EYS: variants seen among roughly 807,000 people sequenced by gnomAD.
The protein encoded by EYS is protein eyes shut homolog.
Under a neutral mutation model 282.1 loss-of-function variants are expected in EYS, and 250 were observed. The ratio of observed to expected loss-of-function variants is 0.89; its 90% CI spans 0.80 to 0.98. The LOEUF (loss-of-function observed/expected upper bound fraction) is 0.98, where lower values mean the gene tolerates loss of function less well. Among genes scored for constraint, EYS ranks in the 50% least tolerant of loss-of-function variants. EYS has a pLI of 0.00. For synonymous variants in EYS, 1,355 were observed against 1,282.9 expected (o/e 1.06, Z -1.20); for missense variants, 4,016 against 3,709.0 (o/e 1.08, Z -2.15).
chr6:64,835,757 C>T (rs918201669), intron 19 of EYS, among the ~76,000 whole-genome samples: 11 of 151,574 alleles, frequency 7.3e-5, no homozygotes, highest in Non-Finnish European at 1.0e-4. Flanking sequence ...TTTGAATCAA[C>T]TGTGTACATA....
chr6:63,832,897 C>T (rs920775001), intron 36 of EYS, among the ~76,000 whole-genome samples: 1 of 152,168 alleles, frequency 6.6e-6, no homozygotes, highest in African/African-American at 2.4e-5. Context: ...CTCTGGGATG[C>T]AAGGCTGGTT....
At chr6:65,316,788 G>A (rs148093851) in intron 11 of EYS, among the ~76,000 whole-genome samples, 2,465 of 152,152 alleles carry the variant, frequency 0.016, 62 homozygotes, top group African/African-American at 0.056. Context: ...CTTCATCCAC[G>A]TCCCTGCAAA....
chr6:64,238,613 G>A (rs1331740773), intron 30 of EYS, among the ~76,000 whole-genome samples: 1 of 151,998 alleles, frequency 6.6e-6, no homozygotes, highest in Non-Finnish European at 1.5e-5. Context: ...CCATAGCTAA[G>A]CTCCCACTTA....
chr6:64,821,635 T>A lies in EYS; in HGVS notation c.3243+10A>T. On this transcript the variant is annotated intron_variant, in intron 21 of 42. Transcript: ENST00000503581. ...TTGTCATATAACTTGAATAAAATTA[T>A]AAGACTTACATTAATTTTGATCTTA... is the stretch of plus-strand genomic sequence containing the variant. 7.2e-7 allele frequency: 1 copy of A among 1,380,794 alleles called. No individual in the cohort carries two copies. The highest frequency in any genetic ancestry group is 9.9e-7 in the Non-Finnish European group (1 of 1,013,546). 85.5% of individuals were successfully genotyped at this position (1,380,794 alleles called of 1,614,324 possible). A position where few individuals can be genotyped will look rare whatever the true frequency, so the allele number is the denominator to read the frequency against.
At chr6:63,923,243 A>G (rs1764622021) in intron 35 of EYS, among the ~76,000 whole-genome samples, 1 of 152,216 alleles carries the variant, frequency 6.6e-6, no homozygotes, top group African/African-American at 2.4e-5. Context: ...TTTTAAAATT[A>G]CAAGACAAAA....
chr6:64,164,807 ATTG>A (rs1008524937), intron 31 of EYS, among the ~76,000 whole-genome samples: 2 of 152,118 alleles, frequency 1.3e-5, no homozygotes, highest in Non-Finnish European at 2.9e-5. Context: ...CCTCTGCCTT[ATTG>A]TTATGTTGAA....
chr6:64,224,521 C>T (rs1766198959), intron 31 of EYS, among the ~76,000 whole-genome samples: 1 of 152,118 alleles, frequency 6.6e-6, no homozygotes, highest in African/African-American at 2.4e-5. Flanking sequence ...CCAAACTAAA[C>T]TAGACAGCTC....
chr6:65,177,885 A>G (rs1296738017), intron 12 of EYS, among the ~76,000 whole-genome samples: 1 of 151,978 alleles, frequency 6.6e-6, no homozygotes, highest in Non-Finnish European at 1.5e-5. Flanking sequence ...AGCAATGTAT[A>G]GCACCAGCAA....
At chr6:64,841,352 T>C (rs1200684788) in intron 19 of EYS, among the ~76,000 whole-genome samples, 6 of 152,142 alleles carry the variant, frequency 3.9e-5, no homozygotes, top group Non-Finnish European at 8.8e-5. Context: ...TTAACTCTAT[T>C]ACTGTATTAT....
chr6:64,782,134 T>C (rs1422388533), intron 22 of EYS, among the ~76,000 whole-genome samples: 1 of 152,236 alleles, frequency 6.6e-6, no homozygotes, highest in Non-Finnish European at 1.5e-5. Flanking sequence ...ATTCATAAGT[T>C]ATTGGCAGAT....
At chr6:65,175,540 A>T (rs1388064128) in intron 12 of EYS, among the ~76,000 whole-genome samples, 1 of 151,368 alleles carries the variant, frequency 6.6e-6, no homozygotes, top group Non-Finnish European at 1.5e-5. Flanking sequence ...AATAAAGAAC[A>T]AGAAAAGAGT....
At position 65,331,481 on chromosome 6, in the gene EYS, A is replaced by G. The variant is rs181850304; in HGVS notation, c.1766+3499T>C. The stretch of plus-strand genomic sequence containing the variant: ...CTGATATAGAGAAACTTAATTTTAT[A>G]TAAAATACTTGTATCTGCAACATTT... On this transcript the variant is annotated intron_variant, in intron 11 of 42. Coordinates refer to ENST00000503581, the MANE Select transcript of EYS (RefSeq NM_001142800.2). The G allele has an allele frequency of 1.4e-3, 1,277 of 892,194 alleles. 2 individuals are homozygous for G. Among genetic ancestry groups the G allele is most frequent in the Non-Finnish European group, 1.6e-3 (1,200 of 745,038 alleles). The allele number at this position is 892,194 out of a possible 1,614,324, so 55.3% of individuals were successfully genotyped here.
At chr6:64,528,051 G>T (rs1357481764) in intron 26 of EYS, among the ~76,000 whole-genome samples, 4 of 151,760 alleles carry the variant, frequency 2.6e-5, no homozygotes, top group South Asian at 2.1e-4. Context: ...ACTGTCCCAG[G>T]TTCTGTAGAA....
intron 31 of EYS, among the ~76,000 whole-genome samples, chr6:64,119,557 G>C (rs945738683): frequency 6.6e-6 from 1 of 152,120 alleles, no homozygotes; most frequent in Non-Finnish European, 1.5e-5. Flanking sequence ...TGTGAGTAAG[G>C]TTTTATCAAT....
intron 29 of EYS, among the ~76,000 whole-genome samples, chr6:64,327,142 G>A (rs1178934010): frequency 6.6e-6 from 1 of 152,092 alleles, no homozygotes; most frequent in Non-Finnish European, 1.5e-5. Flanking sequence ...TGTGGACTAT[G>A]TGCTCTGAGG....
Position 64,591,257 on chromosome 6 carries a change from C to A in EYS, c.4610G>T (p.Arg1537Ile). 6.4e-7 allele frequency: 1 copy of A among 1,551,410 alleles called. No homozygotes were observed. Among genetic ancestry groups the A allele is most frequent in the Non-Finnish European group, 8.7e-7 (1 of 1,146,810 alleles). Residue 1537 changes from arginine (R) to isoleucine (I), a missense_variant, in exon 26 of 43, where the codon AGA becomes ATA. By Grantham distance (97) the Arg-to-Ile change is moderately conservative (BLOSUM62 -3). Coordinates refer to ENST00000503581, the MANE Select transcript of EYS (RefSeq NM_001142800.2). ...QAITEASSNQRLTNIKSQAAD... is the reference protein window; with the variant it reads ...QAITEASSNQILTNIKSQAAD... ...AGCCTGTGATTTGATGTTTGTGAGT[C>A]TCTGGTTGCTTGAAGCCTCAGTAAT...
intron 7 of EYS, among the ~76,000 whole-genome samples, chr6:65,401,456 G>A (rs1766491687): frequency 6.7e-6 from 1 of 149,952 alleles, no homozygotes; most frequent in South Asian, 2.1e-4. Context: ...AGCACATTGA[G>A]GCATAGAAAT....
intron 30 of EYS, among the ~76,000 whole-genome samples, chr6:64,234,940 CAATCT>C (rs766731550): frequency 6.6e-6 from 1 of 151,574 alleles, no homozygotes; most frequent in East Asian, 1.9e-4. Flanking sequence ...GTGTAATGGC[CAATCT>C]TGGCTCACTG....
chr6:65,692,923 C>T (rs1400458447), intron 1 of EYS, among the ~76,000 whole-genome samples: 3 of 149,942 alleles, frequency 2.0e-5, no homozygotes, highest in African/African-American at 7.3e-5. Context: ...TGCACCATTA[C>T]ATTGTAAGTT....
Sources: allele counts gnomAD v4.1 joint callset (sites outside exome capture counted in the v4.1 genomes callset), GRCh38; gene constraint gnomAD v4.1.1; transcripts MANE v1.5; gene names NCBI Gene and HGNC (gene_info 2026-07-23, HGNC 2026-07-21).